CLNK: variants seen among roughly 807,000 people sequenced by gnomAD.
The protein encoded by CLNK is cytokine dependent hematopoietic cell linker.
A neutral mutation model predicts 68.6 loss-of-function variants in CLNK; 74 were observed. The ratio of observed to expected loss-of-function variants is 1.08; its 90% confidence interval spans 0.89 to 1.31. CLNK has a LOEUF of 1.31. Among genes scored for constraint, CLNK ranks in the 50% most tolerant of loss-of-function variants. The probability of loss-of-function intolerance (pLI) is 0.00; values close to 1 mark genes in which losing one functional copy is unlikely to be tolerated. For missense variants in CLNK, 553 were observed against 515.3 expected, an observed-to-expected ratio of 1.07 and a Z score of -0.71; for synonymous variants, 198 against 172.2, an observed-to-expected ratio of 1.15 and a Z score of -1.17.
chr4:10,492,328 G>A (rs528340188), intron 18 of CLNK, among the ~76,000 whole-genome samples: 6 of 152,292 alleles, frequency 3.9e-5, no homozygotes, highest in African/African-American at 7.2e-5. Context: ...AAAGGGAGCC[G>A]TGTGGGGGCT....
chr4:10,668,396 A>G (rs1000404999), intron 1 of CLNK, among the ~76,000 whole-genome samples: 1 of 152,218 alleles, frequency 6.6e-6, no homozygotes, highest in African/African-American at 2.4e-5. Flanking sequence ...AGTAAAGATT[A>G]TTAGTGTTAT....
At chr4:10,599,720 A>G (rs765498403) in intron 2 of CLNK, among the ~76,000 whole-genome samples, 14 of 151,338 alleles carry the variant, frequency 9.3e-5, no homozygotes, top group Non-Finnish European at 1.0e-4. Flanking sequence ...CCCCTCTATC[A>G]TTGACATCAT....
At chr4:10,630,643 C>G (rs1722850219) in intron 2 of CLNK, among the ~76,000 whole-genome samples, 1 of 152,202 alleles carries the variant, frequency 6.6e-6, no homozygotes, top group Non-Finnish European at 1.5e-5. Flanking sequence ...ATTCCAATTT[C>G]CTATCTATCT....
the CLNK span, among the ~76,000 whole-genome samples, chr4:10,705,982 C>A: frequency 6.6e-6 from 1 of 152,236 alleles, no homozygotes; most frequent in African/African-American, 2.4e-5. Flanking sequence ...GGCATTTTGA[C>A]TCAAAGGTCT....
the CLNK span, among the ~76,000 whole-genome samples, chr4:10,699,482 C>CTCTCTCTCTCTCTT: frequency 4.9e-4 from 35 of 71,832 alleles, no homozygotes; most frequent in African/African-American, 2.2e-3. Flanking sequence ...CTCTCTCTCT[C>CTCTCTCTCTCTCTT]TCTCTCTCTC....
At chr4:10,681,041 A>C (rs1455165606) in intron 1 of CLNK, among the ~76,000 whole-genome samples, 2 of 152,164 alleles carry the variant, frequency 1.3e-5, no homozygotes, top group Non-Finnish European at 2.9e-5. Context: ...CTGGCTTTCC[A>C]GGTGCCTGCC....
chr4:10,647,243 C>G (rs12644550), intron 2 of CLNK, among the ~76,000 whole-genome samples: 49,872 of 152,042 alleles, frequency 0.33, 8,460 homozygotes, highest in African/African-American at 0.41. Flanking sequence ...CAACCATTTC[C>G]CTCTGTGACT....
Position 10,542,151 on chromosome 4 carries a change from T to C in CLNK, c.471+104A>G, listed in dbSNP as rs1453930499. On this transcript the variant is annotated intron_variant, in intron 9 of 18. Transcript: ENST00000226951. ...AAATTACAAATTGTGATCAGACTTATAAGACATATTTTTCTAGAGATATCT... is the reference window on the plus strand; with the variant it reads ...AAATTACAAATTGTGATCAGACTTACAAGACATATTTTTCTAGAGATATCT... The C allele has an allele frequency of 2.5e-6, 3 of 1,218,508 alleles. No individual in the cohort carries two copies. The African/African-American group carries it at 4.6e-5, about 19-fold the overall frequency. The allele number at this position is 1,218,508 out of a possible 1,614,324, so 75.5% of individuals were successfully genotyped here. A position where few individuals can be genotyped will look rare whatever the true frequency, so the allele number is the denominator to read the frequency against.
chr4:10,590,132 C>T (rs1161858918), intron 3 of CLNK, among the ~76,000 whole-genome samples: 1 of 152,226 alleles, frequency 6.6e-6, no homozygotes, highest in East Asian at 1.9e-4. Flanking sequence ...ATGAACAAGG[C>T]TGACATTTGG....
At chr4:10,494,872 C>T (rs1716745316) in intron 18 of CLNK, among the ~76,000 whole-genome samples, 1 of 152,076 alleles carries the variant, frequency 6.6e-6, no homozygotes, top group African/African-American at 2.4e-5. Context: ...ATAATCTTTT[C>T]CAGGGGGACA....
intron 17 of CLNK, among the ~76,000 whole-genome samples, chr4:10,506,962 G>T (rs1366460090): frequency 6.6e-6 from 1 of 151,680 alleles, no homozygotes; most frequent in South Asian, 2.1e-4. Context: ...ACCATGCCCG[G>T]CCAATTTTTT....
chr4:10,545,955 G>A (rs974623342), intron 8 of CLNK, among the ~76,000 whole-genome samples: 2 of 152,164 alleles, frequency 1.3e-5, no homozygotes, highest in African/African-American at 4.8e-5. Context: ...AGAGTCCCAG[G>A]GTAGCTGTGG....
chr4:10,602,308 C>G (rs1428943103), intron 2 of CLNK, among the ~76,000 whole-genome samples: 1 of 152,102 alleles, frequency 6.6e-6, no homozygotes. Flanking sequence ...ACGACGTGTA[C>G]CAAGGTGTAT....
At chr4:10,592,711 GTTTGTTTA>G (rs907028404) in intron 3 of CLNK, among the ~76,000 whole-genome samples, 6 of 151,712 alleles carry the variant, frequency 4.0e-5, no homozygotes, top group African/African-American at 1.5e-4. Flanking sequence ...TTGTTTGTTT[GTTTGTTTA>G]TTTATTTATT....
At chr4:10,516,794 G>A (rs969320161) in intron 15 of CLNK, among the ~76,000 whole-genome samples, 33 of 152,182 alleles carry the variant, frequency 2.2e-4, no homozygotes, top group African/African-American at 7.5e-4. Context: ...CAGGCGATCC[G>A]CCCACCTCGG....
chr4:10,514,633 A>G (rs1428827774), intron 15 of CLNK, among the ~76,000 whole-genome samples: 2 of 151,262 alleles, frequency 1.3e-5, no homozygotes, highest in African/African-American at 4.9e-5. Flanking sequence ...CGTTAGACCA[A>G]AAACCATAAA....
Position 10,546,240 on chromosome 4 carries a change from T to C in CLNK, c.446-3960A>G, listed in dbSNP as rs193195605. On this transcript the variant is annotated intron_variant, in intron 8 of 18. Coordinates refer to ENST00000226951, the MANE Select transcript of CLNK (RefSeq NM_052964.4). ...TCCAAATTTATCCACTCTACTTCTC[T>C]TTTAATTAAAAATTCTGTAAATTAT... Among the ~76,000 whole-genome samples, 4 of 152,336 alleles carry C rather than the reference T, an allele frequency of 2.6e-5. No individual in the cohort carries two copies. The East Asian group carries it at 7.7e-4, about 29-fold the overall frequency.
chr4:10,567,176 A>T (rs1720156623), intron 5 of CLNK, among the ~76,000 whole-genome samples: 1 of 150,190 alleles, frequency 6.7e-6, no homozygotes, highest in Admixed American at 6.6e-5. Flanking sequence ...ACTAACACTT[A>T]TTTCAAAAGT....
intron 4 of CLNK, among the ~76,000 whole-genome samples, chr4:10,578,640 G>C (rs1720667204): frequency 7.8e-6 from 1 of 128,584 alleles, no homozygotes; most frequent in Non-Finnish European, 1.6e-5. Flanking sequence ...AGGCTGGAGT[G>C]CAGTGGCACA....
Sources: gnomAD v4.1 joint callset for allele counts (sites outside exome capture counted in the v4.1 genomes callset) on GRCh38, gnomAD v4.1.1 for gene constraint, MANE v1.5 for transcripts, NCBI Gene and HGNC (gene_info 2026-07-23, HGNC 2026-07-21) for gene names.